The following GALP variants were observed in gnomAD, a reference collection of about 807,000 sequenced individuals.
The protein encoded by GALP is galanin like peptide, also known as galanin-like peptide.
In GALP, 12 loss-of-function variants were observed where a neutral mutation model predicts 15.2. The observed-to-expected ratio is 0.79, with a 90% CI of 0.51 to 1.28. GALP has a LOEUF of 1.28. Ranked by LOEUF, GALP falls within the 50% of genes most tolerant of loss-of-function variation. The probability of loss-of-function intolerance (pLI) is 0.00; values close to 1 mark genes in which losing one functional copy is unlikely to be tolerated. For synonymous variants in GALP, 58 were observed against 55.1 expected, an observed-to-expected ratio of 1.05 and a Z score of -0.23; for missense variants, 161 against 145.6, an observed-to-expected ratio of 1.11 and a Z score of -0.55.
At chr19:56,180,915 C>CT (rs1174325788) in intron 3 of GALP, among the ~76,000 whole-genome samples, 693 of 40,118 alleles carry the variant, frequency 0.017, 29 homozygotes, top group African/African-American at 0.056. Flanking sequence ...TTCTTTCTTT[C>CT]TTTTTTTTTT....
At chr19:56,176,141 G>GGCGGC (rs1283167736) in intron 1 of GALP, 79 bp downstream of exon 1, 5 of 158,958 alleles carry the variant, frequency 3.1e-5, no homozygotes, top group African/African-American at 1.3e-4. Context: ...AGGGCACAGG[G>GGCGGC]TCGGCTGCCA....
chr19:56,185,402 G>T lies in GALP; in HGVS notation c.*132G>T. On this transcript the variant is annotated 3_prime_UTR_variant, in exon 6 of 6. Transcript: ENST00000357330. ...CCAGGTCTCATGAAGACATTGTAAA[G>T]CATTTGAATTATTCTAAAAAATTTC... 1 of 529,716 alleles carries T rather than the reference G, an allele frequency of 1.9e-6. No homozygotes were observed. Among genetic ancestry groups the T allele is most frequent in the Non-Finnish European group, 3.3e-6 (1 of 303,982 alleles). The allele number at this position is 529,716 out of a possible 1,614,324, so 32.8% of individuals were successfully genotyped here. A position where few individuals can be genotyped will look rare whatever the true frequency, so the allele number is the denominator to read the frequency against.
chr19:56,181,968 G>T (rs1260359571), intron 3 of GALP, among the ~76,000 whole-genome samples: 1 of 152,170 alleles, frequency 6.6e-6, no homozygotes, highest in Non-Finnish European at 1.5e-5. Flanking sequence ...CCTGCCATTA[G>T]CAGCAGGGTA....
intron 3 of GALP, among the ~76,000 whole-genome samples, chr19:56,181,563 C>A (rs2032568088): frequency 6.6e-6 from 1 of 151,878 alleles, no homozygotes; most frequent in South Asian, 2.1e-4. Context: ...CACCACAATG[C>A]CCCACCGGCT....
At chr19:56,183,718 C>T (rs2032606221) in intron 5 of GALP, among the ~76,000 whole-genome samples, 1 of 152,214 alleles carries the variant, frequency 6.6e-6, no homozygotes, top group Non-Finnish European at 1.5e-5. Context: ...CTGCCTCAGC[C>T]TCCCGAGTAG....
chr19:56,185,324 T>A lies in GALP; in HGVS notation c.*54T>A. 1 of 1,118,278 alleles carries A rather than the reference T, an allele frequency of 8.9e-7. No homozygotes were observed. 69.3% of individuals were successfully genotyped at this position (1,118,278 alleles called of 1,614,324 possible). A position where few individuals can be genotyped will look rare whatever the true frequency, so the allele number is the denominator to read the frequency against. On this transcript the variant is annotated 3_prime_UTR_variant, in exon 6 of 6. Transcript: ENST00000357330. Reference sequence around the variant, plus strand: ...CTTCTCCAGCTCCTCCTGCTCCCTCTGAAACCTTTTCTAGGTACCCTATGC... The same window carrying A: ...CTTCTCCAGCTCCTCCTGCTCCCTCAGAAACCTTTTCTAGGTACCCTATGC...
chr19:56,177,298 G>T (rs1240861517), intron 2 of GALP, 103 bp downstream of exon 2: 2 of 940,568 alleles, frequency 2.1e-6, no homozygotes, highest in East Asian at 5.2e-5. Context: ...GGGTCCTGGG[G>T]AAGAAGCTCA....
intron 2 of GALP, among the ~76,000 whole-genome samples, chr19:56,180,129 C>A (rs1188886761): frequency 6.6e-6 from 1 of 152,144 alleles, no homozygotes; most frequent in African/African-American, 2.4e-5. Flanking sequence ...GCCAGGCTGG[C>A]CTTGAACTCC....
chr19:56,182,839 G>A (rs537618223), intron 4 of GALP, among the ~76,000 whole-genome samples: 1 of 152,176 alleles, frequency 6.6e-6, no homozygotes, highest in East Asian at 1.9e-4. Flanking sequence ...ATGAGCCGTC[G>A]CGCCCGGCCT....
chr19:56,183,076 C>T (rs745542001), intron 4 of GALP, 59 bp from the exon 5 acceptor site: 12 of 1,210,840 alleles, frequency 9.9e-6, no homozygotes, highest in East Asian at 2.3e-5. Flanking sequence ...GTGTTCTCAT[C>T]GTTTAGCTCC....
intron 3 of GALP, among the ~76,000 whole-genome samples, chr19:56,181,375 ATTC>A (rs2122167773): frequency 1.0e-5 from 1 of 100,070 alleles, no homozygotes; most frequent in South Asian, 3.3e-4. Flanking sequence ...ATTAGCTGCT[ATTC>A]TTTGTCTCTC....
intron 2 of GALP, among the ~76,000 whole-genome samples, chr19:56,178,543 G>A (rs8107624): frequency 0.11 from 10,254 of 91,376 alleles, 580 homozygotes; most frequent in Middle Eastern, 0.16. Flanking sequence ...AAAAAAAAAA[G>A]AGACGCCGGC....
Position 56,180,617 on chromosome 19 carries a change from G to T in GALP, c.119G>T (p.Gly40Val), listed in dbSNP as rs750791219. Residue 40 changes from glycine (G) to valine (V), a missense_variant, in exon 3 of 6, where the codon GGC (glycine) becomes GTC (valine). Physicochemically the swap from Gly to Val is moderately radical, Grantham distance 109. Transcript: ENST00000357330. ...GGAGGCTGGACCCTCAATAGTGCTGGCTACCTTCTGGGTCCCGGTGAGTGA... is the reference window on the plus strand; with the variant it reads ...GGAGGCTGGACCCTCAATAGTGCTGTCTACCTTCTGGGTCCCGGTGAGTGA... ...GRGGWTLNSA[G>V]YLLGPVLHLP... The T allele has an allele frequency of 4.3e-6, 7 of 1,613,818 alleles. No homozygotes were observed. Among genetic ancestry groups the T allele is most frequent in the South Asian group, 1.1e-5 (1 of 91,068 alleles).
rs116124223 is a variant in GALP at position 56,177,661 on chromosome 19, C to T, written c.87+466C>T. ...GTCAGCCACGGCACCCAGTCTGGGACGACACTTTGAAAACCTTTGATCACA... is the reference window on the plus strand; with the variant it reads ...GTCAGCCACGGCACCCAGTCTGGGATGACACTTTGAAAACCTTTGATCACA... On this transcript the variant is annotated intron_variant, in intron 2 of 5. Transcript: ENST00000357330. Among the ~76,000 whole-genome samples the T allele has an allele frequency of 3.6e-3, 547 of 152,252 alleles. 5 individuals carry two copies. The highest frequency in any genetic ancestry group is 0.013 in the African/African-American group (530 of 41,546).
chr19:56,177,400 A>T (rs2032483776), intron 2 of GALP, among the ~76,000 whole-genome samples: 1 of 151,536 alleles, frequency 6.6e-6, no homozygotes, highest in South Asian at 2.1e-4. Context: ...AGTCCCAGCT[A>T]CTCAGGAGGC....
intron 2 of GALP, among the ~76,000 whole-genome samples, chr19:56,177,755 T>A (rs1433586896): frequency 6.6e-6 from 1 of 152,188 alleles, no homozygotes; most frequent in African/African-American, 2.4e-5. Context: ...TTTCTAGCTG[T>A]GTGACTTCAG....
intron 2 of GALP, among the ~76,000 whole-genome samples, chr19:56,179,456 C>T (rs1183061195): frequency 1.5e-4 from 22 of 149,760 alleles, no homozygotes; most frequent in African/African-American, 5.1e-4. Context: ...TACAGGCACC[C>T]GCCACCACGC....
chr19:56,182,720 A>C (rs2032587667), intron 4 of GALP, among the ~76,000 whole-genome samples: 1 of 152,216 alleles, frequency 6.6e-6, no homozygotes, highest in Admixed American at 6.5e-5. Flanking sequence ...CACCACACCC[A>C]GCAAATTTTG....
chr19:56,185,475 T>C lies in GALP; in HGVS notation c.*205T>C. 2.2e-6 allele frequency: 1 copy of C among 451,592 alleles called. No homozygotes were observed. The highest frequency in any genetic ancestry group is 3.8e-5 in the East Asian group (1 of 26,460). The allele number at this position is 451,592 out of a possible 1,614,324, so 28.0% of individuals were successfully genotyped here. The stretch of plus-strand genomic sequence containing the variant: ...ATTCATCCTTGAAATCAGTATAATG[T>C]GCTATTAATGGAACCAATAGTAATT... On this transcript the variant is annotated 3_prime_UTR_variant, in exon 6 of 6. Transcript: ENST00000357330.
Sources: allele counts gnomAD v4.1 joint callset (sites outside exome capture counted in the v4.1 genomes callset), GRCh38; gene constraint gnomAD v4.1.1; transcripts MANE v1.5; gene names NCBI Gene and HGNC (gene_info 2026-07-23, HGNC 2026-07-21).